Variants in KIF6 observed in about 807,000 individuals in gnomAD.
KIF6 encodes the protein kinesin family member 6, also known as kinesin-like protein KIF6.
Under a neutral mutation model 112.7 loss-of-function variants are expected in KIF6, and 106 were observed. That is an observed-to-expected ratio of 0.94 (90% CI 0.80 to 1.11). KIF6 has a LOEUF of 1.11. KIF6 is among the 50% of genes least tolerant of loss of function. The pLI, the probability that KIF6 is intolerant of heterozygous loss-of-function variation, is 0.00. For synonymous variants in KIF6, 339 were observed against 339.9 expected, an observed-to-expected ratio of 1.00 and a Z score of 0.03; for missense variants, 929 against 964.0, an observed-to-expected ratio of 0.96 and a Z score of 0.48.
At chr6:39,501,181 G>T (rs1301426325) in intron 13 of KIF6, among the ~76,000 whole-genome samples, 1 of 152,114 alleles carries the variant, frequency 6.6e-6, no homozygotes, top group African/African-American at 2.4e-5. Flanking sequence ...GATACCTCCA[G>T]GTATGGGAAG....
At chr6:39,601,018 A>G (rs1350903901) in intron 6 of KIF6, among the ~76,000 whole-genome samples, 1 of 152,192 alleles carries the variant, frequency 6.6e-6, no homozygotes, top group East Asian at 1.9e-4. Context: ...GTAAAAGGTC[A>G]TATTAACGTC....
intron 3 of KIF6, among the ~76,000 whole-genome samples, chr6:39,664,441 G>A (rs895994176): frequency 6.6e-6 from 1 of 152,194 alleles, no homozygotes; most frequent in Non-Finnish European, 1.5e-5. Context: ...GGGATTATGT[G>A]TCCTCTCAAG....
chr6:39,627,534 G>C (rs1356492031), intron 5 of KIF6, among the ~76,000 whole-genome samples: 1 of 152,168 alleles, frequency 6.6e-6, no homozygotes, highest in Non-Finnish European at 1.5e-5. Context: ...TAAGTCATGA[G>C]AGCAGAGACT....
In KIF6 at chr6:39,449,281, C is replaced by A. The variant is rs551400473; in HGVS notation, c.1646-18120G>T. ...ATGGACAAAGCCAAACCTGAATATA[C>A]CCCAACCTCCTCAGCCTACCAGGAC... is the stretch of plus-strand genomic sequence containing the variant. On this transcript the variant is annotated intron_variant, in intron 13 of 22. Transcript: ENST00000287152. 2.6e-4 allele frequency among the ~76,000 whole-genome samples: 39 copies of A among 152,340 alleles called. No homozygotes were observed. In the South Asian group the frequency reaches 3.9e-3, roughly 15 times the overall value.
rs1763419064 is a variant in KIF6, at chr6:39,342,855, A to C, written c.2428+854T>G. ...ACAAACCTCTTCCTGCCCAAACTGC[A>C]CACGGCTGGTGGAGAAGCTGAGTGC... On this transcript the variant is annotated intron_variant, in intron 22 of 22. Transcript: ENST00000287152. The surrounding 1 kb of genome is among the most constrained non-coding windows in gnomAD (Gnocchi z 4.7). 1.0e-6 allele frequency: 1 copy of C among 985,244 alleles called. No individual in the cohort carries two copies. The highest frequency in any genetic ancestry group is 1.2e-6 in the Non-Finnish European group (1 of 829,920). 61.0% of individuals were successfully genotyped at this position (985,244 alleles called of 1,614,324 possible). A position where few individuals can be genotyped will look rare whatever the true frequency, so the allele number is the denominator to read the frequency against.
At chr6:39,354,241 GC>G in intron 19 of KIF6, 1 of 229,652 alleles carries the variant, frequency 4.4e-6, no homozygotes. Flanking sequence ...AGGTTTTTAA[GC>G]CCCCATCTTG....
intron 3 of KIF6, among the ~76,000 whole-genome samples, chr6:39,703,307 T>C (rs927954347): frequency 1.3e-5 from 2 of 151,960 alleles, no homozygotes; most frequent in African/African-American, 4.8e-5. Context: ...ATAAAGCAAT[T>C]TAAGAAACAA....
chr6:39,460,536 T>TAAAAAAAAAAAAAAAAAAAA (rs759528125), intron 13 of KIF6, among the ~76,000 whole-genome samples: 5 of 57,074 alleles, frequency 8.8e-5, no homozygotes, highest in African/African-American at 2.9e-4. Context: ...AAAAAAAAAG[T>TAAAAAAAAAAAAAAAAAAAA]AAAAAAAAAA....
At chr6:39,539,708 G>A (rs1007570053) in intron 13 of KIF6, among the ~76,000 whole-genome samples, 3 of 152,070 alleles carry the variant, frequency 2.0e-5, no homozygotes, top group Non-Finnish European at 2.9e-5. Flanking sequence ...ACGCTGCCTC[G>A]TCATCATATC....
intron 3 of KIF6, among the ~76,000 whole-genome samples, chr6:39,650,803 G>A (rs1785429408): frequency 6.6e-6 from 1 of 151,892 alleles, no homozygotes; most frequent in South Asian, 2.1e-4. Flanking sequence ...CTTTTATAGG[G>A]ATACAAAAGA....
At chr6:39,388,410 G>A (rs568911886) in intron 15 of KIF6, among the ~76,000 whole-genome samples, 25 of 152,036 alleles carry the variant, frequency 1.6e-4, no homozygotes, top group Middle Eastern at 6.8e-3. Context: ...TCAGAACAAC[G>A]AGGCACCACC....
At chr6:39,684,282 G>C (rs1174591639) in intron 3 of KIF6, among the ~76,000 whole-genome samples, 1 of 151,984 alleles carries the variant, frequency 6.6e-6, no homozygotes, top group Non-Finnish European at 1.5e-5. Context: ...CAGGTGGTTT[G>C]CTTGAAGTCA....
At position 39,618,793 on chromosome 6, in the gene KIF6, T is replaced by A. The variant is rs574026597; in HGVS notation, c.510-5475A>T. Among the ~76,000 whole-genome samples the A allele has an allele frequency of 2.6e-5, 4 of 152,334 alleles. No homozygotes were observed. The South Asian group carries it at 6.2e-4, about 24-fold the overall frequency. ...CTGACTTCAAGTCATTAGACAAAGC[T>A]TAACTCTTTCAACCAATTGCCAACC... On this transcript the variant is annotated intron_variant, in intron 5 of 22. Coordinates refer to ENST00000287152, the MANE Select transcript of KIF6 (RefSeq NM_145027.6).
At chr6:39,674,991 C>T (rs920204537) in intron 3 of KIF6, among the ~76,000 whole-genome samples, 1 of 151,804 alleles carries the variant, frequency 6.6e-6, no homozygotes, top group Non-Finnish European at 1.5e-5. Context: ...TTTCAATTCT[C>T]CCACTATAGC....
intron 13 of KIF6, among the ~76,000 whole-genome samples, chr6:39,500,695 T>G (rs1377477285): frequency 6.6e-6 from 1 of 152,154 alleles, no homozygotes; most frequent in Non-Finnish European, 1.5e-5. Context: ...GATTTAGCAC[T>G]AAGCCTGGCA....
intron 13 of KIF6, among the ~76,000 whole-genome samples, chr6:39,468,631 A>G (rs1349758229): frequency 6.6e-6 from 1 of 152,180 alleles, no homozygotes; most frequent in African/African-American, 2.4e-5. Flanking sequence ...TATTCTTCAA[A>G]AATTAAGGTG....
rs751417339 is a variant in KIF6 at position 39,343,691 on chromosome 6, C to T, written c.2428+18G>A. 1.0e-5 allele frequency: 16 copies of T among 1,574,604 alleles called. No individual in the cohort carries two copies. Among genetic ancestry groups the T allele is most frequent in the South Asian group, 3.5e-5 (3 of 85,776 alleles). ...TGACCTGCTGCCCAGGAGGAGCCACCGAGGGAGGTGCACTTACATTGCTTC... is the reference window on the plus strand; with the variant it reads ...TGACCTGCTGCCCAGGAGGAGCCACTGAGGGAGGTGCACTTACATTGCTTC... On this transcript the variant is annotated intron_variant, in intron 22 of 22. Coordinates refer to ENST00000287152, the MANE Select transcript of KIF6 (RefSeq NM_145027.6). This position sits in a 1 kb window ranked among gnomAD's most constrained non-coding sequence, Gnocchi z 4.1.
intron 2 of KIF6, among the ~76,000 whole-genome samples, chr6:39,718,233 A>T (rs1358119279): frequency 1.3e-5 from 2 of 149,814 alleles, no homozygotes; most frequent in Non-Finnish European, 3.0e-5. Context: ...CCATCTCAAA[A>T]AAAAAAAAAA....
intron 14 of KIF6, among the ~76,000 whole-genome samples, chr6:39,424,951 C>T (rs937388146): frequency 1.3e-4 from 20 of 152,172 alleles, no homozygotes; most frequent in African/African-American, 4.3e-4. Flanking sequence ...GTGAATCTGA[C>T]GTTAACTTCC....
Sources: gnomAD v4.1 joint callset for allele counts (sites outside exome capture counted in the v4.1 genomes callset) on GRCh38, gnomAD v4.1.1 for gene constraint, Gnocchi (gnomAD v3.1) non-coding constraint, MANE v1.5 for transcripts, NCBI Gene and HGNC (gene_info 2026-07-23, HGNC 2026-07-21) for gene names.